The following PLD2 variants were observed in gnomAD, a reference collection of about 807,000 sequenced individuals.
PLD2 encodes choline phosphatase 2.
In PLD2, 101 loss-of-function variants were observed where a neutral mutation model predicts 119.8. The observed-to-expected ratio is 0.84, with a 90% CI of 0.72 to 0.99. The LOEUF is 0.99. Among genes scored for constraint, PLD2 ranks in the 50% least tolerant of loss-of-function variants. The pLI is 0.00. For missense variants in PLD2, 1,164 were observed against 1,226.8 expected (o/e 0.95, Z 0.76); for synonymous variants, 494 against 482.8 (o/e 1.02, Z -0.30).
intron 8 of PLD2, 34 bp from the exon 9 acceptor site, chr17:4,809,843 G>T: frequency 1.2e-6 from 2 of 1,614,090 alleles, no homozygotes; most frequent in Non-Finnish European, 1.7e-6. Flanking sequence ...AATTTTGAGG[G>T]CAGAGAGGAA....
chr17:4,818,466 C>A (rs376477832), intron 19 of PLD2, 28 bp from the exon 20 acceptor site: 5 of 1,597,424 alleles, frequency 3.1e-6, no homozygotes, highest in East Asian at 2.2e-5. Flanking sequence ...AGGGACCAGT[C>A]GCACCTCTGA....
At chr17:4,814,190 C>A in intron 10 of PLD2, 1 of 520,132 alleles carries the variant, frequency 1.9e-6, no homozygotes, top group East Asian at 3.9e-5. Context: ...TATTAATCCT[C>A]CTGTTCTTTA....
intron 10 of PLD2, among the ~76,000 whole-genome samples, chr17:4,812,896 CAG>C (rs751315724): frequency 4.6e-5 from 7 of 152,162 alleles, no homozygotes; most frequent in Non-Finnish European, 7.3e-5. Flanking sequence ...GAGGAGCAGT[CAG>C]AGGAGAAGCT....
In PLD2 at chr17:4,821,851, G is replaced by T; in HGVS notation, c.2521G>T (p.Asp841Tyr). Residue 841 changes from aspartate to tyrosine, a missense_variant, in exon 24 of 25, where the codon GAC (aspartate) becomes TAC (tyrosine). Physicochemically the swap from Asp to Tyr is radical, Grantham distance 160. Coordinates refer to ENST00000263088, the MANE Select transcript of PLD2 (RefSeq NM_002663.5). Reference protein sequence around the residue: ...DLDLRDPICDDFFQLWQDMAE... With the variant: ...DLDLRDPICDYFFQLWQDMAE... ...GGATCTCCGAGACCCCATCTGTGATGACTTCTTCCAGTTGTGGCAAGACAT... is the reference window on the plus strand; with the variant it reads ...GGATCTCCGAGACCCCATCTGTGATTACTTCTTCCAGTTGTGGCAAGACAT... 2 of 1,614,044 alleles carry T rather than the reference G, an allele frequency of 1.2e-6. No homozygotes were observed. The highest frequency in any genetic ancestry group is 1.1e-5 in the South Asian group (1 of 91,068).
chr17:4,809,548 G>T lies in PLD2; in HGVS notation c.611G>T (p.Gly204Val). ...LSFIPDLGRK[G>V]LEGMIRKRSG... ...TTTATCCCGGACTTGGGCCGCAAAG[G>T]ACTGTGAGTGTCTGGCCCCCTTCAC... The change falls in exon 7 of 25, where the codon GGA (glycine) becomes GTA (valine). Residue 204 changes from glycine to valine, a missense_variant. Gly to Val is a moderately radical substitution (Grantham distance 109). Transcript: ENST00000263088. The T allele has an allele frequency of 1.2e-6, 2 of 1,606,682 alleles. No individual in the cohort carries two copies. Among genetic ancestry groups the T allele is most frequent in the Non-Finnish European group, 1.7e-6 (2 of 1,174,898 alleles).
chr17:4,809,667 C>A (rs1567524840), intron 7 of PLD2, 24 bp from the exon 8 acceptor site: 7 of 1,613,480 alleles, frequency 4.3e-6, no homozygotes, highest in Admixed American at 3.3e-5. Context: ...CCTCATCCCG[C>A]CTCTCTTCCT....
chr17:4,814,783 G>A, intron 12 of PLD2, 72 bp downstream of exon 12: 1 of 1,367,064 alleles, frequency 7.3e-7, no homozygotes. Context: ...GGGCTGCAGT[G>A]TGGGAGAATT....
intron 10 of PLD2, among the ~76,000 whole-genome samples, chr17:4,811,499 A>G (rs1019815362): frequency 1.3e-4 from 20 of 151,846 alleles, no homozygotes; most frequent in African/African-American, 4.8e-4. Context: ...GCTCTTCTCG[A>G]ACTCCTGACC....
At chr17:4,820,500 T>C (rs1417427660) in intron 23 of PLD2, among the ~76,000 whole-genome samples, 12 of 133,250 alleles carry the variant, frequency 9.0e-5, no homozygotes, top group Non-Finnish European at 1.6e-4. Flanking sequence ...ACTCCTGACC[T>C]CAGGCTTCGG....
rs1051627615 is a variant in PLD2, at chr17:4,807,498, C to T, written c.-2+273C>T. On this transcript the variant is annotated intron_variant, in intron 1 of 24. Coordinates refer to ENST00000263088, the MANE Select transcript of PLD2 (RefSeq NM_002663.5). The surrounding 1 kb of genome is among the most constrained non-coding windows in gnomAD (Gnocchi z 5.4). ...CTGCGCCGCCCCAGGTCGGAGCCTT[C>T]CGGGCCTGGCTGGGTGTTCCCCGGG... 3.0e-6 allele frequency: 1 copy of T among 331,476 alleles called. No homozygotes were observed. The highest frequency in any genetic ancestry group is 5.1e-5 in the South Asian group (1 of 19,736). The allele number at this position is 331,476 out of a possible 1,614,324, so 20.5% of individuals were successfully genotyped here.
chr17:4,808,532 T>TTCTGA lies in PLD2; in HGVS notation c.383+116_383+117insTCTGA. On this transcript the variant is annotated intron_variant, in intron 4 of 24. Transcript: ENST00000263088. The surrounding 1 kb of genome is among the most constrained non-coding windows in gnomAD (Gnocchi z 4.1). Reference sequence around the variant, plus strand: ...CTGCAACTCTGGCCACTGTGCTGCCTCCCCTGACCCCAGTTACCAGGAAAC... The same window carrying TTCTGA: ...CTGCAACTCTGGCCACTGTGCTGCCTTCTGACCCCTGACCCCAGTTACCAGGAAAC... The TTCTGA allele has an allele frequency of 2.1e-6, 2 of 954,548 alleles. No homozygotes were observed. The highest frequency in any genetic ancestry group is 3.2e-6 in the Non-Finnish European group (2 of 622,980). The allele number at this position is 954,548 out of a possible 1,614,324, so 59.1% of individuals were successfully genotyped here.
chr17:4,810,512 G>A (rs1361129533), intron 9 of PLD2, among the ~76,000 whole-genome samples: 1 of 152,140 alleles, frequency 6.6e-6, no homozygotes, highest in East Asian at 1.9e-4. Context: ...GGGCGTGGTG[G>A]TGCGTGCCTG....
At position 4,807,515 on chromosome 17, in the gene PLD2, T is replaced by G. The variant is rs1289380517; in HGVS notation, c.-1-257T>G. ...GGAGCCTTCCGGGCCTGGCTGGGTGTTCCCCGGGGCTCTGGTTACGGGACG... is the reference window on the plus strand; with the variant it reads ...GGAGCCTTCCGGGCCTGGCTGGGTGGTCCCCGGGGCTCTGGTTACGGGACG... On this transcript the variant is annotated intron_variant, in intron 1 of 24. Coordinates refer to ENST00000263088, the MANE Select transcript of PLD2 (RefSeq NM_002663.5). The surrounding 1 kb of genome is among the most constrained non-coding windows in gnomAD (Gnocchi z 5.4). 9.6e-6 allele frequency: 3 copies of G among 311,970 alleles called. No individual in the cohort carries two copies. The highest frequency in any genetic ancestry group is 1.2e-5 in the Non-Finnish European group (2 of 163,130). The allele number at this position is 311,970 out of a possible 1,614,324, so 19.3% of individuals were successfully genotyped here.
rs756329825 is a variant in PLD2, at chr17:4,808,026, C to G, written c.152C>G (p.Ser51Cys). 1.2e-6 allele frequency: 2 copies of G among 1,612,864 alleles called. No homozygotes were observed. Among genetic ancestry groups the G allele is most frequent in the South Asian group, 2.2e-5 (2 of 91,022 alleles). Residue 51 changes from serine to cysteine, a missense_variant, in exon 3 of 25, where the codon TCT becomes TGT. Coordinates refer to ENST00000263088, the MANE Select transcript of PLD2 (RefSeq NM_002663.5). The surrounding 1 kb of genome is among the most constrained non-coding windows in gnomAD (Gnocchi z 4.1). Reference protein sequence around the residue: ...HPFLAIYELQSLKVHPLVFAP... With the variant: ...HPFLAIYELQCLKVHPLVFAP... ...TTTCTGGCCATCTATGAGCTTCAGT[C>G]TCTGAAAGTGCACCCCTTGGTGTTC...
chr17:4,816,837 G>A (rs1358969981), intron 15 of PLD2, 91 bp downstream of exon 15: 8 of 1,592,106 alleles, frequency 5.0e-6, no homozygotes, highest in African/African-American at 2.7e-5. Context: ...AGGGGTCAAC[G>A]GTGGTACAGC....
intron 23 of PLD2, 77 bp from the exon 24 acceptor site, chr17:4,821,716 G>A (rs1163989137): frequency 1.9e-6 from 2 of 1,027,786 alleles, no homozygotes; most frequent in Admixed American, 1.7e-5. Flanking sequence ...ACCTGAGTAG[G>A]GACAATGTAA....
rs1567535161 is a variant in PLD2 at position 4,819,492 on chromosome 17, T to C, written c.2372T>C (p.Ile791Thr). The C allele has an allele frequency of 1.2e-6, 2 of 1,613,990 alleles. No homozygotes were observed. The highest frequency in any genetic ancestry group is 1.7e-6 in the Non-Finnish European group (2 of 1,180,002). Residue 791 changes from isoleucine to threonine, a missense_variant, in exon 23 of 25, where the codon ATC (isoleucine) becomes ACC (threonine). Ile to Thr is a moderately conservative substitution (Grantham distance 89). Transcript: ENST00000263088. The surrounding 1 kb of genome is among the most constrained non-coding windows in gnomAD (Gnocchi z 4.2). Reference protein sequence around the residue: ...GKRDSELAVLIEDTETEPSLM... With the variant: ...GKRDSELAVLTEDTETEPSLM... ...CGGGACAGTGAGCTGGCCGTGCTGA[T>C]CGAGGACACAGAGACGGAACCATCC...
chr17:4,816,745 A>G lies in PLD2; in HGVS notation c.1581A>G (p.Glu527=). 6.2e-7 allele frequency: 1 copy of G among 1,614,192 alleles called. No homozygotes were observed. The highest frequency in any genetic ancestry group is 8.5e-7 in the Non-Finnish European group (1 of 1,180,028). ...KDWVQLDRPF[E]DFIDRETTPR... is the part of the protein sequence containing the mutation. ...GGGTGCAGCTGGACCGGCCTTTCGA[A>G]GGTGAAGCCTCCCACCCGCCAAAGC... Residue 527 remains glutamate (E), a splice_region_variant and synonymous_variant, in exon 15 of 25, where the codon GAA becomes GAG. Transcript: ENST00000263088.
rs1423135760 is a variant in PLD2 at position 4,823,184 on chromosome 17, A to AG, written c.*325dup. The AG allele has an allele frequency of 1.2e-5, 3 of 260,764 alleles. No homozygotes were observed. Among genetic ancestry groups the AG allele is most frequent in the Non-Finnish European group, 2.2e-5 (3 of 137,560 alleles). 16.2% of individuals were successfully genotyped at this position (260,764 alleles called of 1,614,324 possible). Reference sequence around the variant, plus strand: ...GGGTCAAGCCTCTTATTCCAGGAGAAGGGGGCTCTGCCCCAGGCCCTACTA... The same window carrying AG: ...GGGTCAAGCCTCTTATTCCAGGAGAAGGGGGGCTCTGCCCCAGGCCCTACTA... On this transcript the variant is annotated 3_prime_UTR_variant, in exon 25 of 25. Transcript: ENST00000263088.
Sources: allele counts gnomAD v4.1 joint callset (sites outside exome capture counted in the v4.1 genomes callset), GRCh38; gene constraint gnomAD v4.1.1; non-coding constraint Gnocchi (gnomAD v3.1); transcripts MANE v1.5; gene names NCBI Gene and HGNC (gene_info 2026-07-23, HGNC 2026-07-21).